FAM13A: variants seen among roughly 807,000 people sequenced by gnomAD.
FAM13A encodes protein FAM13A.
In FAM13A, 76 loss-of-function variants were observed where a neutral mutation model predicts 129.6. The observed-to-expected ratio is 0.59, with a 90% confidence interval of 0.49 to 0.71. The LOEUF is 0.71. Among genes scored for constraint, FAM13A ranks in the 30% least tolerant of loss-of-function variants. The pLI, the probability that FAM13A is intolerant of heterozygous loss-of-function variation, is 0.00. For synonymous variants in FAM13A, 443 were observed against 449.9 expected (o/e 0.98, Z 0.20); for missense variants, 1,108 against 1,249.3 (o/e 0.89, Z 1.70).
chr4:88,794,035 C>T (rs1407500876), intron 8 of FAM13A, among the ~76,000 whole-genome samples: 1 of 151,958 alleles, frequency 6.6e-6, no homozygotes, highest in Non-Finnish European at 1.5e-5. Flanking sequence ...AAAGAAATTT[C>T]CTTCTTCATC....
intron 4 of FAM13A, among the ~76,000 whole-genome samples, chr4:88,967,021 G>A (rs1015875316): frequency 2.0e-5 from 3 of 152,086 alleles, no homozygotes; most frequent in African/African-American, 4.8e-5. Context: ...TTTACTAGCC[G>A]CATGCATTGT....
chr4:88,974,899 T>C (rs1760694253), intron 4 of FAM13A, among the ~76,000 whole-genome samples: 1 of 152,114 alleles, frequency 6.6e-6, no homozygotes, highest in Non-Finnish European at 1.5e-5. Context: ...GCATCTCTAT[T>C]ATTAACACCA....
At chr4:88,758,485 T>A (rs1744152539) in intron 14 of FAM13A, among the ~76,000 whole-genome samples, 1 of 151,060 alleles carries the variant, frequency 6.6e-6, no homozygotes, top group Admixed American at 6.6e-5. Flanking sequence ...GCACTCCCGG[T>A]GAGTCACAAA....
intron 5 of FAM13A, among the ~76,000 whole-genome samples, chr4:88,909,663 T>C (rs375540825): frequency 4.6e-5 from 7 of 152,162 alleles, no homozygotes; most frequent in African/African-American, 1.7e-4. Flanking sequence ...ATTTTTGTAT[T>C]TTTAGTAGAG....
chr4:88,972,383 C>T (rs564667278), intron 4 of FAM13A, among the ~76,000 whole-genome samples: 1 of 150,864 alleles, frequency 6.6e-6, no homozygotes, highest in African/African-American at 2.4e-5. Flanking sequence ...CTCACTGCAA[C>T]CTCTACCTCC....
chr4:88,754,572 T>C (rs1743256285), intron 14 of FAM13A, among the ~76,000 whole-genome samples: 1 of 152,198 alleles, frequency 6.6e-6, no homozygotes. Context: ...ACCATTTTTC[T>C]GCTCAGCTGA....
intron 3 of FAM13A, among the ~76,000 whole-genome samples, chr4:88,998,223 C>A (rs1763810506): frequency 6.6e-6 from 1 of 152,152 alleles, no homozygotes; most frequent in South Asian, 2.1e-4. Context: ...AATAAATTTG[C>A]AATGCATTAA....
intron 3 of FAM13A, among the ~76,000 whole-genome samples, chr4:89,006,498 G>A (rs1765033943): frequency 6.6e-6 from 1 of 152,220 alleles, no homozygotes; most frequent in Non-Finnish European, 1.5e-5. Context: ...CTTGTGGGAG[G>A]AGGAGCATGC....
chr4:88,832,789 AAACTAGTTC>A (rs1173396089), intron 7 of FAM13A, among the ~76,000 whole-genome samples: 1 of 152,244 alleles, frequency 6.6e-6, no homozygotes, highest in East Asian at 1.9e-4. Context: ...GTGGAAATGT[AAACTAGTTC>A]AACCATTGTG....
intron 4 of FAM13A, among the ~76,000 whole-genome samples, chr4:88,941,764 A>G (rs1023304004): frequency 2.0e-5 from 3 of 152,040 alleles, no homozygotes; most frequent in African/African-American, 7.3e-5. Flanking sequence ...TCTCTTTTGT[A>G]ATTGAGTACT....
chr4:88,737,814 C>T (rs2149417977), intron 20 of FAM13A, among the ~76,000 whole-genome samples: 1 of 152,290 alleles, frequency 6.6e-6, no homozygotes, highest in African/African-American at 2.4e-5. Flanking sequence ...GGCAGACACG[C>T]AGAAGAAACC....
chr4:88,920,927 G>A (rs994621635), intron 5 of FAM13A, among the ~76,000 whole-genome samples: 20 of 152,116 alleles, frequency 1.3e-4, no homozygotes, highest in South Asian at 2.1e-4. Flanking sequence ...GAGCCGATGT[G>A]ATCAACTGGA....
chr4:88,980,792 T>A (rs901055357), intron 4 of FAM13A, among the ~76,000 whole-genome samples: 4 of 152,200 alleles, frequency 2.6e-5, no homozygotes, highest in Admixed American at 2.6e-4. Context: ...AGTTAGCAGA[T>A]AAAATGACAG....
At chr4:89,031,042 T>C (rs561550844) in intron 1 of FAM13A, among the ~76,000 whole-genome samples, 18 of 152,210 alleles carry the variant, frequency 1.2e-4, no homozygotes, top group African/African-American at 4.3e-4. Flanking sequence ...AAATAAGTCA[T>C]GGGGTAGCTA....
intron 8 of FAM13A, among the ~76,000 whole-genome samples, chr4:88,793,478 T>C (rs1463515609): frequency 1.3e-5 from 2 of 152,028 alleles, no homozygotes; most frequent in Non-Finnish European, 2.9e-5. Context: ...TTCTGGTATA[T>C]TTAACTAGTC....
At chr4:88,987,878 T>TTA (rs1320205928) in intron 4 of FAM13A, among the ~76,000 whole-genome samples, 1 of 142,140 alleles carries the variant, frequency 7.0e-6, no homozygotes, top group African/African-American at 2.6e-5. Flanking sequence ...ATAACTTGAC[T>TTA]TATATATGAC....
chr4:88,730,026 A>G (rs1046037464), intron 23 of FAM13A: 13 of 152,236 alleles, frequency 8.5e-5, no homozygotes, highest in Non-Finnish European at 1.8e-4. Context: ...ACATATCCAA[A>G]TCAGAGATCC....
At chr4:88,839,999 T>C (rs1052115994) in intron 7 of FAM13A, among the ~76,000 whole-genome samples, 2 of 152,180 alleles carry the variant, frequency 1.3e-5, no homozygotes, top group Admixed American at 6.5e-5. Context: ...GGAATGAGTA[T>C]AGGTTGAGAG....
At chr4:88,997,010 A>G (rs1763637190) in intron 3 of FAM13A, among the ~76,000 whole-genome samples, 1 of 152,200 alleles carries the variant, frequency 6.6e-6, no homozygotes, top group African/African-American at 2.4e-5. Context: ...TGGATGGAAT[A>G]TTACTGTTAG....
Sources: allele counts gnomAD v4.1 joint callset (sites outside exome capture counted in the v4.1 genomes callset), GRCh38; gene constraint gnomAD v4.1.1; transcripts MANE v1.5; gene names NCBI Gene and HGNC (gene_info 2026-07-23, HGNC 2026-07-21).